CNTNAP5: variants seen among roughly 807,000 people sequenced by gnomAD.
CNTNAP5 encodes contactin-associated protein-like 5.
A neutral mutation model predicts 150.2 loss-of-function variants in CNTNAP5; 72 were observed. The observed-to-expected ratio is 0.48, with a 90% CI of 0.40 to 0.58. The LOEUF is 0.58. Ranked by LOEUF, CNTNAP5 falls within the 20% of genes least tolerant of loss-of-function variation. The probability of loss-of-function intolerance (pLI) is 0.00; values close to 1 mark genes in which losing one functional copy is unlikely to be tolerated. For missense variants in CNTNAP5, 1,636 were observed against 1,626.2 expected, an observed-to-expected ratio of 1.01 and a Z score of -0.10; for synonymous variants, 672 against 619.8, an observed-to-expected ratio of 1.08 and a Z score of -1.25.
intron 11 of CNTNAP5, among the ~76,000 whole-genome samples, chr2:124,572,646 G>A (rs1696192147): frequency 6.6e-6 from 1 of 152,126 alleles, no homozygotes; most frequent in African/African-American, 2.4e-5. Flanking sequence ...AGCCTAAGGG[G>A]AAAGGAATGG....
chr2:124,889,989 T>C lies in CNTNAP5; in HGVS notation c.3437-12893T>C, dbSNP rs80013851. On this transcript the variant is annotated intron_variant, in intron 21 of 23. Coordinates refer to ENST00000682447, the MANE Select transcript of CNTNAP5 (RefSeq NM_001367498.1). Reference sequence around the variant, plus strand: ...AGCTATTTATCCAACTCTATTGACTTATATCTGTAAATTCTATAGGGGTAG... The same window carrying C: ...AGCTATTTATCCAACTCTATTGACTCATATCTGTAAATTCTATAGGGGTAG... 1.4e-3 allele frequency among the ~76,000 whole-genome samples: 217 copies of C among 152,236 alleles called. 1 individual carries two copies. The highest frequency in any genetic ancestry group is 0.014 in the Middle Eastern group (4 of 294).
intron 3 of CNTNAP5, among the ~76,000 whole-genome samples, chr2:124,293,318 A>G (rs1470913218): frequency 6.6e-6 from 1 of 152,114 alleles, no homozygotes; most frequent in Non-Finnish European, 1.5e-5. Context: ...GATAGATTCC[A>G]AGTACTGGAA....
At chr2:124,466,562 G>A (rs566438409) in intron 6 of CNTNAP5, among the ~76,000 whole-genome samples, 23 of 152,244 alleles carry the variant, frequency 1.5e-4, no homozygotes, top group African/African-American at 5.3e-4. Flanking sequence ...TAAGTGAATC[G>A]AATTTGTACC....
At chr2:124,108,446 G>T (rs1683216505) in intron 1 of CNTNAP5, among the ~76,000 whole-genome samples, 1 of 152,074 alleles carries the variant, frequency 6.6e-6, no homozygotes, top group Non-Finnish European at 1.5e-5. Flanking sequence ...AAGACGAGCA[G>T]CCCGGAAGAC....
At chr2:124,706,747 A>AAGAAGAAGAAGAAGAAGAAGC (rs1679647604) in intron 13 of CNTNAP5, among the ~76,000 whole-genome samples, 1 of 7,412 alleles carries the variant, frequency 1.3e-4, no homozygotes, top group African/African-American at 7.2e-4. Context: ...ACTCTGTTTC[A>AAGAAGAAGAAGAAGAAGAAGC]AGAAGAAGAA....
At chr2:124,632,559 G>T (rs1490677752) in intron 12 of CNTNAP5, among the ~76,000 whole-genome samples, 1 of 151,842 alleles carries the variant, frequency 6.6e-6, no homozygotes, top group East Asian at 2.0e-4. Context: ...GTTAGGGGAG[G>T]TGGGGGAGGG....
At chr2:124,265,804 GC>G (rs1455384127) in intron 3 of CNTNAP5, among the ~76,000 whole-genome samples, 1 of 151,378 alleles carries the variant, frequency 6.6e-6, no homozygotes, top group East Asian at 2.0e-4. Context: ...AAATTAATGG[GC>G]CTTCACGTTT....
At chr2:124,396,809 A>G (rs1691258870) in intron 3 of CNTNAP5, among the ~76,000 whole-genome samples, 1 of 152,206 alleles carries the variant, frequency 6.6e-6, no homozygotes, top group Non-Finnish European at 1.5e-5. Context: ...GTCAACAACA[A>G]CAATAATAAT....
chr2:124,852,282 A>C (rs1344281352), intron 19 of CNTNAP5, among the ~76,000 whole-genome samples: 1 of 152,208 alleles, frequency 6.6e-6, no homozygotes, highest in Non-Finnish European at 1.5e-5. Context: ...GTGGGTGTGC[A>C]TGGATATGGA....
intron 21 of CNTNAP5, among the ~76,000 whole-genome samples, chr2:124,882,597 T>C (rs1677986660): frequency 6.6e-6 from 1 of 152,122 alleles, no homozygotes; most frequent in African/African-American, 2.4e-5. Context: ...GTCTAGCGTA[T>C]GCAGAGATGC....
At chr2:124,034,721 T>C (rs538353751) in intron 1 of CNTNAP5, among the ~76,000 whole-genome samples, 2 of 152,230 alleles carry the variant, frequency 1.3e-5, no homozygotes, top group East Asian at 3.9e-4. Context: ...GGCAGAAAGA[T>C]CCTTAAACAG....
chr2:124,309,168 T>G (rs976768663), intron 3 of CNTNAP5, among the ~76,000 whole-genome samples: 5 of 152,210 alleles, frequency 3.3e-5, no homozygotes, highest in African/African-American at 1.2e-4. Flanking sequence ...GTAATAAAAG[T>G]TATGCAATGT....
At chr2:124,120,873 C>G (rs1308289701) in intron 1 of CNTNAP5, among the ~76,000 whole-genome samples, 1 of 152,136 alleles carries the variant, frequency 6.6e-6, no homozygotes. Flanking sequence ...ATACCTGAGT[C>G]TTGGTTCAAA....
rs193208078 is a variant in CNTNAP5 at position 124,027,514 on chromosome 2, G to A, written c.82+1782G>A. Among the ~76,000 whole-genome samples the A allele has an allele frequency of 1.9e-3, 291 of 152,272 alleles. 1 individual carries two copies. Among genetic ancestry groups the A allele is most frequent in the African/African-American group, 6.7e-3 (280 of 41,566 alleles). ...TTTCTAATGCAACACCTTTTCTTAA[G>A]AGCCAATAAAACAAATATTTTAGAA... On this transcript the variant is annotated intron_variant, in intron 1 of 23. Transcript: ENST00000682447.
chr2:124,297,372 G>A (rs1040355457), intron 3 of CNTNAP5, among the ~76,000 whole-genome samples: 7 of 152,034 alleles, frequency 4.6e-5, no homozygotes, highest in African/African-American at 1.7e-4. Flanking sequence ...AATCTTTCTG[G>A]GAAAATGCAC....
chr2:124,267,678 GT>G (rs1687645188), intron 3 of CNTNAP5, among the ~76,000 whole-genome samples: 2 of 152,054 alleles, frequency 1.3e-5, no homozygotes, highest in African/African-American at 4.8e-5. Flanking sequence ...GACTTGCATT[GT>G]TTATACAGCA....
chr2:124,096,089 T>C lies in CNTNAP5; in HGVS notation c.82+70357T>C, dbSNP rs142555392. 3.6e-3 allele frequency among the ~76,000 whole-genome samples: 546 copies of C among 152,312 alleles called. 2 individuals are homozygous for C. Among genetic ancestry groups the C allele is most frequent in the Middle Eastern group, 0.017 (5 of 294 alleles). ...CCCGTGCTAGTCTCAAAAGTTATTCTAATATTTTCTTATTTTGCTCGACAT... is the reference window on the plus strand; with the variant it reads ...CCCGTGCTAGTCTCAAAAGTTATTCCAATATTTTCTTATTTTGCTCGACAT... On this transcript the variant is annotated intron_variant, in intron 1 of 23. Coordinates refer to ENST00000682447, the MANE Select transcript of CNTNAP5 (RefSeq NM_001367498.1).
intron 19 of CNTNAP5, among the ~76,000 whole-genome samples, chr2:124,799,401 C>G (rs996193956): frequency 1.3e-5 from 2 of 152,152 alleles, no homozygotes; most frequent in Non-Finnish European, 2.9e-5. Flanking sequence ...ACTATTAGAT[C>G]AAAAACTTAT....
intron 10 of CNTNAP5, among the ~76,000 whole-genome samples, chr2:124,529,118 A>C (rs993663309): frequency 1.3e-5 from 2 of 149,754 alleles, no homozygotes; most frequent in African/African-American, 4.9e-5. Context: ...GTGCTTCATT[A>C]AAATGTGCTA....
Sources: allele counts gnomAD v4.1 joint callset (sites outside exome capture counted in the v4.1 genomes callset), GRCh38; gene constraint gnomAD v4.1.1; transcripts MANE v1.5; gene names NCBI Gene and HGNC (gene_info 2026-07-23, HGNC 2026-07-21).